The following HTT variants were observed in gnomAD, a reference collection of about 807,000 sequenced individuals.
HTT encodes huntington disease protein.
Under a neutral mutation model 362.3 loss-of-function variants are expected in HTT, and 104 were observed. That is an observed-to-expected ratio of 0.29 (90% CI 0.24 to 0.34). HTT has a LOEUF of 0.34. Ranked by LOEUF, HTT falls within the 10% of genes least tolerant of loss-of-function variation. HTT has a pLI of 1.00. For synonymous variants in HTT, 1,577 were observed against 1,548.7 expected (o/e 1.02, Z -0.43); for missense variants, 3,301 against 3,928.6 (o/e 0.84, Z 4.27).
In HTT at chr4:3,212,082, T is replaced by G. The variant is rs1366524912; in HGVS notation, c.6568T>G (p.Phe2190Val). 6.2e-7 allele frequency: 1 copy of G among 1,614,222 alleles called. No homozygotes were observed. The highest frequency in any genetic ancestry group is 1.7e-5 in the Admixed American group (1 of 60,036). Residue 2190 changes from phenylalanine (F) to valine (V), a missense_variant, in exon 48 of 67, where the codon TTC becomes GTC. This residue lies in a region of HTT where 220 missense variants were observed against 218.5 expected (regional missense o/e 1.01). Coordinates refer to ENST00000355072, the MANE Select transcript of HTT (RefSeq NM_001388492.1). ...GCAGCTCCCTGCTGTCCATCATGTC[T>G]TCCAGCCCGAGCTGCCTGCAGAGCC... is the stretch of plus-strand genomic sequence containing the variant. Reference protein sequence around the residue: ...VQQLPAVHHVFQPELPAEPAA... With the variant: ...VQQLPAVHHVVQPELPAEPAA...
intron 54 of HTT, among the ~76,000 whole-genome samples, chr4:3,223,089 C>T (rs1290982323): frequency 6.6e-6 from 1 of 152,190 alleles, no homozygotes; most frequent in Non-Finnish European, 1.5e-5. Context: ...TAGAAGCTAA[C>T]AGGGTGTCAT....
intron 47 of HTT, 77 bp from the exon 48 acceptor site, chr4:3,211,852 T>G: frequency 9.7e-7 from 1 of 1,028,154 alleles, no homozygotes; most frequent in South Asian, 1.4e-5. Context: ...TTCTTTTTTC[T>G]GTTGTGTTTT....
At chr4:3,243,959 C>T (rs1721935786), downstream of HTT, 1 of 152,262 alleles carries the variant, frequency 6.6e-6, no homozygotes, top group Non-Finnish European at 1.5e-5. Flanking sequence ...TGGAAACCAT[C>T]AGTTGTTGCT....
chr4:3,106,798 C>G (rs983110948), intron 5 of HTT, among the ~76,000 whole-genome samples: 1 of 152,176 alleles, frequency 6.6e-6, no homozygotes, highest in Non-Finnish European at 1.5e-5. Context: ...CAGGGCTGCA[C>G]CACTCCTGGC....
chr4:3,212,511 T>C (rs1258759358), intron 48 of HTT, 53 bp from the exon 49 acceptor site: 1 of 1,578,990 alleles, frequency 6.3e-7, no homozygotes, highest in Non-Finnish European at 8.6e-7. Context: ...CCTTTCGAAG[T>C]TGATGCATCT....
In HTT at chr4:3,224,143, A is replaced by G; in HGVS notation, c.7765+12A>G. 1 of 1,613,754 alleles carries G rather than the reference A, an allele frequency of 6.2e-7. No homozygotes were observed. Among genetic ancestry groups the G allele is most frequent in the Non-Finnish European group, 8.5e-7 (1 of 1,179,752 alleles). On this transcript the variant is annotated intron_variant, in intron 56 of 66. Coordinates refer to ENST00000355072, the MANE Select transcript of HTT (RefSeq NM_001388492.1). ...TCCGGCTACTACAGGTACCTGAGGG[A>G]AAGGGTGCGGGGGAGCGGTTGTACT...
At chr4:3,236,769 C>T (rs1335602429) in intron 64 of HTT, among the ~76,000 whole-genome samples, 2 of 152,134 alleles carry the variant, frequency 1.3e-5, no homozygotes, top group Non-Finnish European at 2.9e-5. Context: ...CCCCCACCAC[C>T]CCCCACTGCT....
intron 38 of HTT, among the ~76,000 whole-genome samples, chr4:3,187,160 TTTTA>T (rs1379855898): frequency 6.9e-6 from 1 of 145,438 alleles, no homozygotes; most frequent in African/African-American, 2.6e-5. Context: ...CACCCGGCCT[TTTTA>T]TTTTTTTTGG....
chr4:3,239,189 G>A (rs1023550263), intron 66 of HTT, among the ~76,000 whole-genome samples: 2 of 152,210 alleles, frequency 1.3e-5, no homozygotes, highest in African/African-American at 2.4e-5. Context: ...AGAGGGGCCG[G>A]TGTATGGCAG....
In HTT at chr4:3,218,026, G is replaced by C; in HGVS notation, c.7242+74G>C. On this transcript the variant is annotated intron_variant, in intron 52 of 66. Transcript: ENST00000355072. The surrounding 1 kb of genome is among the most constrained non-coding windows in gnomAD (Gnocchi z 4.4). ...GGTAGGCCCTGGGCTGGGCACACGTGAGAGGGCGGGACAGAATCCCCGCAG... is the reference window on the plus strand; with the variant it reads ...GGTAGGCCCTGGGCTGGGCACACGTCAGAGGGCGGGACAGAATCCCCGCAG... 7.7e-7 allele frequency: 1 copy of C among 1,298,278 alleles called. No individual in the cohort carries two copies. The highest frequency in any genetic ancestry group is 1.4e-5 in the South Asian group (1 of 70,430). The allele number at this position is 1,298,278 out of a possible 1,614,324, so 80.4% of individuals were successfully genotyped here. A position where few individuals can be genotyped will look rare whatever the true frequency, so the allele number is the denominator to read the frequency against.
At position 3,083,576 on chromosome 4, in the gene HTT, CACACACACACAT is replaced by C. The variant is rs1267356203; in HGVS notation, c.264-3361_264-3350del. Among the ~76,000 whole-genome samples the C allele has an allele frequency of 1.9e-3, 263 of 137,100 alleles. 4 individuals are homozygous for C. Among genetic ancestry groups the C allele is most frequent in the Middle Eastern group, 7.6e-3 (2 of 264 alleles). The allele number at this position is 137,100 out of a possible 152,430, so 89.9% of individuals were successfully genotyped here. On this transcript the variant is annotated intron_variant, in intron 1 of 66. Transcript: ENST00000355072. ...ACACACACACACACACACACACACA[CACACACACACAT>C]ATATATGTATATATATGCATTTAGA... is the stretch of plus-strand genomic sequence containing the variant.
chr4:3,203,194 G>A (rs1304829700), intron 41 of HTT: 2 of 152,226 alleles, frequency 1.3e-5, no homozygotes, highest in East Asian at 1.9e-4. Flanking sequence ...CAGAGAAAAG[G>A]CACTTTTTAA....
rs545772254 is a variant in HTT, at chr4:3,115,782, A to G, written c.890-303A>G. ...CTGCGGGTTCTCTGTAGGTCAGTTG[A>G]CAGTTTCTCCTGTTGTTTGGGTAAC... On this transcript the variant is annotated intron_variant, in intron 7 of 66. Coordinates refer to ENST00000355072, the MANE Select transcript of HTT (RefSeq NM_001388492.1). Among the ~76,000 whole-genome samples, 3 of 152,280 alleles carry G rather than the reference A, an allele frequency of 2.0e-5. No individual in the cohort carries two copies. In the South Asian group the frequency reaches 6.2e-4, roughly 32 times the overall value.
In HTT at chr4:3,176,614, G is replaced by A. The variant is rs535858594; in HGVS notation, c.4408-718G>A. On this transcript the variant is annotated intron_variant, in intron 33 of 66. Coordinates refer to ENST00000355072, the MANE Select transcript of HTT (RefSeq NM_001388492.1). Reference sequence around the variant, plus strand: ...CAGAGCCCTGATTTGTTCCATTCTAGTAAGAACAAAGACTGCTCTGGTTTC... The same window carrying A: ...CAGAGCCCTGATTTGTTCCATTCTAATAAGAACAAAGACTGCTCTGGTTTC... Among the ~76,000 whole-genome samples, 8 of 152,300 alleles carry A rather than the reference G, an allele frequency of 5.3e-5. No homozygotes were observed. In the East Asian group the frequency reaches 9.6e-4, roughly 18 times the overall value.
At chr4:3,238,639 T>C (rs1560609100) in intron 65 of HTT, 30 bp downstream of exon 65, 4 of 1,570,354 alleles carry the variant, frequency 2.5e-6, no homozygotes, top group Admixed American at 3.6e-5. Flanking sequence ...GGGGATGGAG[T>C]GGGAAAGCCT....
At position 3,182,373 on chromosome 4, in the gene HTT, T is replaced by G; in HGVS notation, c.4769T>G (p.Leu1590Arg). 9 of 1,613,614 alleles carry G rather than the reference T, an allele frequency of 5.6e-6. No individual in the cohort carries two copies. The highest frequency in any genetic ancestry group is 7.6e-6 in the Non-Finnish European group (9 of 1,179,476). ...QYHQVLEMFI[L>R]VLQQCHKENE... is the part of the protein sequence containing the mutation. ...TTATAGGTGTTGGAGATGTTCATTC[T>G]TGTCCTGCAGCAGTGCCACAAGGAG... is the stretch of plus-strand genomic sequence containing the variant. The change falls in exon 37 of 67, where the codon CTT becomes CGT. Residue 1590 changes from leucine to arginine, a missense_variant. Physicochemically the swap from Leu to Arg is moderately radical, Grantham distance 102. This residue lies in a region of HTT where 2,316 missense variants were observed against 2,658.5 expected (regional missense o/e 0.87). Transcript: ENST00000355072.
chr4:3,211,810 C>T, intron 47 of HTT, 119 bp from the exon 48 acceptor site: 5 of 691,752 alleles, frequency 7.2e-6, no homozygotes, highest in South Asian at 3.9e-5. Flanking sequence ...GATGGTATAC[C>T]AATTTGTATT....
chr4:3,173,672 GTT>G (rs534371913), intron 31 of HTT, among the ~76,000 whole-genome samples: 8 of 142,316 alleles, frequency 5.6e-5, no homozygotes, highest in African/African-American at 1.3e-4. Context: ...ACTTAAATTT[GTT>G]TTTTTTTTTT....
intron 29 of HTT, among the ~76,000 whole-genome samples, chr4:3,171,900 C>T (rs1191561481): frequency 6.6e-6 from 1 of 152,172 alleles, no homozygotes; most frequent in East Asian, 1.9e-4. Context: ...TATTTTAAGA[C>T]AATTCTAGGA....
Sources: allele counts gnomAD v4.1 joint callset (sites outside exome capture counted in the v4.1 genomes callset), GRCh38; gene constraint gnomAD v4.1.1; regional missense constraint gnomAD v4.1.1; non-coding constraint Gnocchi (gnomAD v3.1); transcripts MANE v1.5; gene names NCBI Gene and HGNC (gene_info 2026-07-23, HGNC 2026-07-21).